TNS1: variants seen among roughly 807,000 people sequenced by gnomAD.
The protein encoded by TNS1 is tensin 1.
TNS1 carries 62 observed loss-of-function variants against 168.6 expected under a neutral mutation model. That is an observed-to-expected ratio of 0.37 (90% CI 0.30 to 0.45). The LOEUF (loss-of-function observed/expected upper bound fraction) is 0.45, where lower values mean the gene tolerates loss of function less well. Among genes scored for constraint, TNS1 ranks in the 20% least tolerant of loss-of-function variants. The probability of loss-of-function intolerance (pLI) is 1.00; values close to 1 mark genes in which losing one functional copy is unlikely to be tolerated. For missense variants in TNS1, 2,240 were observed against 2,339.4 expected (o/e 0.96, Z 0.88); for synonymous variants, 934 against 933.2 (o/e 1.00, Z -0.02).
chr2:217,932,387 A>T lies in TNS1; in HGVS notation c.187-12151T>A, dbSNP rs1301795554. ...AAAATGGGGGTGAGATCATCTTTGCAGAGTGGCTGGAAGTATTCAATAAAG... is the reference window on the plus strand; with the variant it reads ...AAAATGGGGGTGAGATCATCTTTGCTGAGTGGCTGGAAGTATTCAATAAAG... On this transcript the variant is annotated intron_variant, in intron 3 of 32. Transcript: ENST00000682258. Among the ~76,000 whole-genome samples the T allele has an allele frequency of 3.3e-5, 5 of 152,370 alleles. No individual in the cohort carries two copies. In the South Asian group the frequency reaches 1.0e-3, roughly 32 times the overall value.
chr2:217,909,573 A>C (rs1954118969), intron 4 of TNS1, among the ~76,000 whole-genome samples: 1 of 135,610 alleles, frequency 7.4e-6, no homozygotes, highest in Admixed American at 6.9e-5. Flanking sequence ...CTGGGTGCCC[A>C]CACACACACA....
At chr2:218,030,105 G>C (rs558593058) in intron 1 of TNS1, among the ~76,000 whole-genome samples, 1 of 152,030 alleles carries the variant, frequency 6.6e-6, no homozygotes, top group Non-Finnish European at 1.5e-5. Flanking sequence ...TGCCTGCCCT[G>C]CCTCCCAGGC....
chr2:217,803,818 T>G lies in TNS1; in HGVS notation c.*641A>C, dbSNP rs1937878396. On this transcript the variant is annotated 3_prime_UTR_variant, in exon 33 of 33. Transcript: ENST00000682258. Reference sequence around the variant, plus strand: ...TGGGACAAGGACAAGCCGAGCTGTTTATAATTCGAGTGGATAAAGGCAGAT... The same window carrying G: ...TGGGACAAGGACAAGCCGAGCTGTTGATAATTCGAGTGGATAAAGGCAGAT... The G allele has an allele frequency of 6.5e-6, 1 of 152,884 alleles. No individual in the cohort carries two copies. The highest frequency in any genetic ancestry group is 1.5e-5 in the Non-Finnish European group (1 of 68,290). 9.5% of individuals were successfully genotyped at this position (152,884 alleles called of 1,614,324 possible).
At chr2:217,828,375 G>A (rs1943914821) in intron 22 of TNS1, among the ~76,000 whole-genome samples, 2 of 152,228 alleles carry the variant, frequency 1.3e-5, no homozygotes. Context: ...CCGCTTAGGG[G>A]GTGGAAAATC....
intron 3 of TNS1, among the ~76,000 whole-genome samples, chr2:217,924,864 A>C (rs991837636): frequency 1.3e-5 from 2 of 152,194 alleles, no homozygotes; most frequent in Non-Finnish European, 2.9e-5. Flanking sequence ...TGTCTGGCGC[A>C]GTGGTTATGC....
Position 217,810,234 on chromosome 2 carries a change from A to G in TNS1, c.5104+14T>C. 1 of 1,613,574 alleles carries G rather than the reference A, an allele frequency of 6.2e-7. No homozygotes were observed. The highest frequency in any genetic ancestry group is 2.2e-5 in the East Asian group (1 of 44,880). On this transcript the variant is annotated intron_variant, in intron 29 of 32. Transcript: ENST00000682258. ...GAGGCCTGGGCATGGGTACAGTTTC[A>G]GGTGACCACTCACCTGCCCCTTGTT...
intron 3 of TNS1, among the ~76,000 whole-genome samples, chr2:217,949,260 G>T (rs1257706863): frequency 2.2e-4 from 33 of 152,208 alleles, no homozygotes; most frequent in Non-Finnish European, 2.9e-5. Flanking sequence ...GGCAGACGTT[G>T]GTCCTTGGCA....
Position 217,995,415 on chromosome 2 carries a change from T to G in TNS1, c.34-4359A>C, listed in dbSNP as rs923456085. ...AAAACCAAAACCAGGGGGCAGGCAC[T>G]GCAAGAAGGCATAATGAGACTCAGT... On this transcript the variant is annotated intron_variant, in intron 1 of 32. Transcript: ENST00000682258. This position sits in a 1 kb window ranked among gnomAD's most constrained non-coding sequence, Gnocchi z 4.1. 2.6e-5 allele frequency among the ~76,000 whole-genome samples: 4 copies of G among 151,984 alleles called. No individual in the cohort carries two copies. The highest frequency in any genetic ancestry group is 9.7e-5 in the African/African-American group (4 of 41,376).
chr2:218,001,140 G>A (rs1010020005), intron 1 of TNS1, among the ~76,000 whole-genome samples: 1 of 151,380 alleles, frequency 6.6e-6, no homozygotes, highest in East Asian at 1.9e-4. Flanking sequence ...GTGACAGAGT[G>A]AGACTCCATC....
chr2:217,852,669 C>G (rs905337599), intron 18 of TNS1, among the ~76,000 whole-genome samples: 1 of 152,192 alleles, frequency 6.6e-6, no homozygotes, highest in African/African-American at 2.4e-5. Flanking sequence ...GTGGCCAAGC[C>G]CCACTCAGCA....
intron 18 of TNS1, among the ~76,000 whole-genome samples, chr2:217,869,986 C>T (rs1020861690): frequency 2.0e-5 from 3 of 152,240 alleles, no homozygotes; most frequent in African/African-American, 4.8e-5. Flanking sequence ...CCCACCCCAC[C>T]GCAGTGACCA....
Position 217,907,251 on chromosome 2 carries a change from G to T in TNS1, c.229C>A (p.Pro77Thr). The T allele has an allele frequency of 1.4e-6, 1 of 703,034 alleles. No individual in the cohort carries two copies. The highest frequency in any genetic ancestry group is 2.3e-4 in the Middle Eastern group (1 of 4,368). The allele number at this position is 703,034 out of a possible 1,614,324, so 43.5% of individuals were successfully genotyped here. ...CVPPSNHELVPITTENAPKNV... is the reference protein window; with the variant it reads ...CVPPSNHELVTITTENAPKNV... ...TTTGGTGCATTCTCAGTGGTGATGG[G>T]CTGTGGACAGAAGGAGAAACAGCAT... is the stretch of plus-strand genomic sequence containing the variant. The change falls in exon 5 of 33, where the codon CCC (proline) becomes ACC (threonine). Residue 77 changes from proline (P) to threonine (T), a missense_variant and splice_region_variant. By Grantham distance (38) the Pro-to-Thr change is conservative (BLOSUM62 -1). Transcript: ENST00000682258.
At chr2:217,981,614 C>G (rs1958050216) in intron 2 of TNS1, among the ~76,000 whole-genome samples, 1 of 152,208 alleles carries the variant, frequency 6.6e-6, no homozygotes, top group Non-Finnish European at 1.5e-5. Flanking sequence ...AAGCAAGTGG[C>G]AGATGCCAAG....
chr2:217,898,781 C>T (rs540057027), intron 7 of TNS1, among the ~76,000 whole-genome samples: 1 of 152,360 alleles, frequency 6.6e-6, no homozygotes, highest in South Asian at 2.1e-4. Context: ...GCTGGCCATC[C>T]TCTCCACTGG....
chr2:217,919,678 G>C (rs2288173), intron 4 of TNS1, among the ~76,000 whole-genome samples: 31,467 of 152,220 alleles, frequency 0.21, 6,176 homozygotes, highest in African/African-American at 0.51. Context: ...ATGGTGCAAG[G>C]CTGATTCGGG....
At chr2:218,016,724 A>G (rs541310193) in intron 1 of TNS1, among the ~76,000 whole-genome samples, 1 of 152,248 alleles carries the variant, frequency 6.6e-6, no homozygotes, top group African/African-American at 2.4e-5. Context: ...CAGAAAGACA[A>G]TCCAAAATAG....
chr2:217,936,841 T>C (rs893621374), intron 3 of TNS1: 3 of 434,558 alleles, frequency 6.9e-6, no homozygotes, highest in African/African-American at 2.0e-5. Flanking sequence ...ACTTTACAAA[T>C]AGCATCTCAT....
chr2:218,010,595 C>G (rs1341372613), upstream of TNS1, among the ~76,000 whole-genome samples: 1 of 151,622 alleles, frequency 6.6e-6, no homozygotes, highest in Non-Finnish European at 1.5e-5. Context: ...CGGGGAGCCG[C>G]GCGGGGGAGG....
chr2:217,826,383 AC>A (rs1559177775), intron 22 of TNS1, among the ~76,000 whole-genome samples: 1 of 151,054 alleles, frequency 6.6e-6, no homozygotes, highest in Non-Finnish European at 1.5e-5. Flanking sequence ...TCTCTCTCCC[AC>A]CCCAGGACAA....
Sources: gnomAD v4.1 joint callset for allele counts (sites outside exome capture counted in the v4.1 genomes callset) on GRCh38, gnomAD v4.1.1 for gene constraint, Gnocchi (gnomAD v3.1) non-coding constraint, MANE v1.5 for transcripts, NCBI Gene and HGNC (gene_info 2026-07-23, HGNC 2026-07-21) for gene names.